The following NSFL1C variants were observed in gnomAD, a reference collection of about 807,000 sequenced individuals.
NSFL1C encodes NSFL1 cofactor.
Under a neutral mutation model 43.1 loss-of-function variants are expected in NSFL1C, and 14 were observed. That is an observed-to-expected ratio of 0.32 (90% confidence interval 0.21 to 0.51). The LOEUF (loss-of-function observed/expected upper bound fraction) is 0.51. Among genes scored for constraint, NSFL1C ranks in the 20% least tolerant of loss-of-function variants. The pLI is 0.98. For synonymous variants in NSFL1C, 171 were observed against 183.5 expected (o/e 0.93, Z 0.55); for missense variants, 406 against 472.5 (o/e 0.86, Z 1.30).
At chr20:1,458,495 C>T (rs962099943) in intron 2 of NSFL1C, among the ~76,000 whole-genome samples, 3 of 152,078 alleles carry the variant, frequency 2.0e-5, no homozygotes, top group African/African-American at 7.3e-5. Context: ...AAAGTCCTAT[C>T]ATGAGGTAAA....
intron 1 of NSFL1C, among the ~76,000 whole-genome samples, chr20:1,466,206 C>T (rs1292347868): frequency 6.6e-6 from 1 of 152,212 alleles, no homozygotes; most frequent in Non-Finnish European, 1.5e-5. Flanking sequence ...TCCCATTTTA[C>T]AGATAAGTTA....
chr20:1,458,046 A>T, intron 3 of NSFL1C, 154 bp downstream of exon 3: 1 of 635,930 alleles, frequency 1.6e-6, no homozygotes, highest in South Asian at 1.9e-5. Flanking sequence ...AAGGAGTAGA[A>T]GAGACTTCCT....
intron 3 of NSFL1C, chr20:1,456,910 G>A (rs1370715838): frequency 2.0e-5 from 3 of 152,218 alleles, no homozygotes; most frequent in African/African-American, 7.2e-5. Flanking sequence ...AAAGGCATAT[G>A]AAGGATTTTA....
Position 1,454,948 on chromosome 20 carries a change from C to A in NSFL1C, c.444+19G>T, listed in dbSNP as rs774457385. 2 of 1,608,144 alleles carry A rather than the reference C, an allele frequency of 1.2e-6. No homozygotes were observed. The highest frequency in any genetic ancestry group is 2.2e-5 in the East Asian group (1 of 44,766). On this transcript the variant is annotated intron_variant, in intron 4 of 8. Transcript: ENST00000216879. ...GGAATCTCAGTCCTGTGGGCACAGA[C>A]AATGACCCTTATACTCACTCTCGGT...
rs1386190466 is a variant in NSFL1C at position 1,443,454 on chromosome 20, T to C, written c.*295A>G. ...CAAGATAAATATAATTTTAAAGCAA[T>C]TAAAGCCTGCTTCAGTGGGAGAGTT... is the stretch of plus-strand genomic sequence containing the variant. On this transcript the variant is annotated 3_prime_UTR_variant, in exon 9 of 9. Transcript: ENST00000216879. 1 of 255,678 alleles carries C rather than the reference T, an allele frequency of 3.9e-6. No homozygotes were observed. The highest frequency in any genetic ancestry group is 7.8e-5 in the East Asian group (1 of 12,890). 15.8% of individuals were successfully genotyped at this position (255,678 alleles called of 1,614,324 possible).
Position 1,453,066 on chromosome 20 carries a change from T to TG in NSFL1C, c.611dup (p.Ser205IlefsTer76), listed in dbSNP as rs748161740. 2 of 1,613,392 alleles carry TG rather than the reference T, an allele frequency of 1.2e-6. No individual in the cohort carries two copies. Among genetic ancestry groups the TG allele is most frequent in the Non-Finnish European group, 8.5e-7 (1 of 1,179,334 alleles). ...TAGACTCCAGAAACTGGGCATTGGA[T>TG]GGGTCTTGGTAGCTTCTGAGTTCTC... On this transcript the variant is annotated frameshift_variant, in exon 6 of 9. Transcript: ENST00000216879. LOFTEE classifies it high-confidence loss of function.
At chr20:1,452,802 C>T (rs529313218) in intron 6 of NSFL1C, among the ~76,000 whole-genome samples, 172 bp from the exon 7 acceptor site, 2 of 152,344 alleles carry the variant, frequency 1.3e-5, no homozygotes, top group East Asian at 3.9e-4. Context: ...CTTGTTTGTT[C>T]AGCCATGGCC....
At position 1,453,562 on chromosome 20, in the gene NSFL1C, C is replaced by A. The variant is rs549629948; in HGVS notation, c.538-422G>T. On this transcript the variant is annotated intron_variant, in intron 5 of 8. Transcript: ENST00000216879. ...AGTTCTGTTCACAACAACTCCCACA[C>A]ACATTCACAGCAAAGGGTCTAGAAG... Among the ~76,000 whole-genome samples the A allele has an allele frequency of 1.4e-4, 22 of 152,344 alleles. 1 individual carries two copies. Among genetic ancestry groups the A allele is most frequent in the African/African-American group, 5.1e-4 (21 of 41,580 alleles).
chr20:1,443,732 G>A lies in NSFL1C; in HGVS notation c.*17C>T, dbSNP rs372893417. On this transcript the variant is annotated 3_prime_UTR_variant, in exon 9 of 9. Transcript: ENST00000216879. The stretch of plus-strand genomic sequence containing the variant: ...CATGGGAAACACAGGAGGGAGGCCA[G>A]GCAGCTGGCTGGGCGGTTATGTTAA... The A allele has an allele frequency of 1.2e-6, 2 of 1,612,376 alleles. No homozygotes were observed. Among genetic ancestry groups the A allele is most frequent in the African/African-American group, 2.7e-5 (2 of 74,912 alleles).
intron 7 of NSFL1C, 89 bp from the exon 8 acceptor site, chr20:1,445,919 G>A (rs2090049566): frequency 1.5e-6 from 2 of 1,360,964 alleles, no homozygotes; most frequent in Non-Finnish European, 2.1e-6. Flanking sequence ...CTGAGCATTT[G>A]CAATGCGCCT....
At chr20:1,452,315 A>C (rs991532308) in intron 7 of NSFL1C, among the ~76,000 whole-genome samples, 178 bp downstream of exon 7, 1 of 152,146 alleles carries the variant, frequency 6.6e-6, no homozygotes, top group Non-Finnish European at 1.5e-5. Flanking sequence ...GCAGAGATAT[A>C]AACTCAGGTC....
At chr20:1,449,158 T>C (rs1307513313) in intron 7 of NSFL1C, among the ~76,000 whole-genome samples, 1 of 152,152 alleles carries the variant, frequency 6.6e-6, no homozygotes, top group Non-Finnish European at 1.5e-5. Flanking sequence ...CTTTGTAGAA[T>C]GGGGATTAAA....
At position 1,445,662 on chromosome 20, in the gene NSFL1C, G is replaced by C; in HGVS notation, c.950+4C>G. 6.2e-7 allele frequency: 1 copy of C among 1,612,188 alleles called. No homozygotes were observed. The highest frequency in any genetic ancestry group is 1.3e-5 in the African/African-American group (1 of 74,952). On this transcript the variant is annotated splice_donor_region_variant and intron_variant, in intron 8 of 8. Transcript: ENST00000216879. ...AATAAGCTAGGCCACACAATGCAAG[G>C]TACCTGTGGCTGTGGTTAAATTTCT...
At position 1,452,620 on chromosome 20, in the gene NSFL1C, C is replaced by T. The variant is rs761374802; in HGVS notation, c.658G>A (p.Ala220Thr). The T allele has an allele frequency of 1.2e-6, 2 of 1,614,144 alleles. No homozygotes were observed. Among genetic ancestry groups the T allele is most frequent in the South Asian group, 1.1e-5 (1 of 91,078 alleles). The change falls in exon 7 of 9, where the codon GCA becomes ACA. Residue 220 changes from alanine to threonine, a missense_variant. Transcript: ENST00000216879. ...CCGTGAGCTAGCCTCCGAAGCTCTG[C>T]TGGCACCTCCCTGTGGAAGAAAAGG... ...LESIRRGEVP[A>T]ELRRLAHGGQ...
intron 1 of NSFL1C, among the ~76,000 whole-genome samples, chr20:1,465,531 GTCTAGGTGTGA>G (rs1290837318): frequency 9.9e-5 from 15 of 152,202 alleles, no homozygotes; most frequent in African/African-American, 2.9e-4. Context: ...TTCCCATTGT[GTCTAGGTGTGA>G]TCTAGGTGTG....
Position 1,464,217 on chromosome 20 carries a change from C to A in NSFL1C, c.203+112G>T, listed in dbSNP as rs76973035. ...AGTACTACCCATTGACTCAGTCTAA[C>A]CTTCTCATTCAGACCTGGTCCACAC... On this transcript the variant is annotated intron_variant, in intron 2 of 8. Transcript: ENST00000216879. The A allele has an allele frequency of 7.1e-3, 6,058 of 852,858 alleles. 49 individuals carry two copies. Among genetic ancestry groups the A allele is most frequent in the Non-Finnish European group, 9.3e-3 (4,718 of 508,970 alleles). The allele number at this position is 852,858 out of a possible 1,614,324, so 52.8% of individuals were successfully genotyped here.
At chr20:1,454,854 A>T in intron 4 of NSFL1C, 113 bp downstream of exon 4, 1 of 1,123,056 alleles carries the variant, frequency 8.9e-7, no homozygotes, top group Non-Finnish European at 1.3e-6. Flanking sequence ...ACAGAAGACC[A>T]AGTAAGCAAA....
chr20:1,445,681 A>C lies in NSFL1C; in HGVS notation c.935T>G (p.Phe312Cys). The stretch of plus-strand genomic sequence containing the variant: ...TGCAAGGTACCTGTGGCTGTGGTTA[A>C]ATTTCTGCACCAGCCTCCCGCCGTC... The part of the protein sequence containing the change: ...LADGGRLVQK[F>C]NHSHRISDIR... The change falls in exon 8 of 9, where the codon TTT becomes TGT. Residue 312 changes from phenylalanine (F) to cysteine (C), a missense_variant. Around this residue, in one of 3 missense-constraint regions of NSFL1C, gnomAD observed 196 missense variants for 228.0 expected, o/e 0.86. Coordinates refer to ENST00000216879, the MANE Select transcript of NSFL1C (RefSeq NM_016143.5). The C allele has an allele frequency of 6.2e-7, 1 of 1,612,702 alleles. No homozygotes were observed. The highest frequency in any genetic ancestry group is 8.5e-7 in the Non-Finnish European group (1 of 1,179,914).
chr20:1,455,868 C>A (rs958201730), intron 3 of NSFL1C: 7 of 704,080 alleles, frequency 9.9e-6, no homozygotes, highest in Non-Finnish European at 1.6e-5. Flanking sequence ...CACACTGTGG[C>A]CCCTGAGGAA....
Sources: gnomAD v4.1 joint callset for allele counts (sites outside exome capture counted in the v4.1 genomes callset) on GRCh38, gnomAD v4.1.1 for gene constraint, gnomAD v4.1.1 regional missense constraint, MANE v1.5 for transcripts, NCBI Gene and HGNC (gene_info 2026-07-23, HGNC 2026-07-21) for gene names.